SMURF1: variants seen among roughly 807,000 people sequenced by gnomAD.
The protein encoded by SMURF1 is E3 ubiquitin-protein ligase SMURF1.
Under a neutral mutation model 98.0 loss-of-function variants are expected in SMURF1, and 44 were observed. That is an observed-to-expected ratio of 0.45 (90% CI 0.35 to 0.58). The LOEUF is 0.58. SMURF1 is among the 20% of genes least tolerant of loss of function. The pLI is 0.00. For missense variants in SMURF1, 687 were observed against 938.4 expected, an observed-to-expected ratio of 0.73 and a Z score of 3.50; for synonymous variants, 396 against 374.9, an observed-to-expected ratio of 1.06 and a Z score of -0.65.
At chr7:99,081,605 A>T (rs995611989) in intron 1 of SMURF1, among the ~76,000 whole-genome samples, 2 of 152,146 alleles carry the variant, frequency 1.3e-5, no homozygotes, top group Non-Finnish European at 2.9e-5. Context: ...GCAATACATA[A>T]AAGTTCCAAT....
chr7:99,032,097 A>T (rs1335901278), intron 17 of SMURF1, among the ~76,000 whole-genome samples: 2 of 152,220 alleles, frequency 1.3e-5, no homozygotes, highest in African/African-American at 2.4e-5. Context: ...AATACATCCA[A>T]ACTAAAAACT....
intron 1 of SMURF1, among the ~76,000 whole-genome samples, chr7:99,071,149 TC>T (rs1796308633): frequency 6.6e-6 from 1 of 151,146 alleles, no homozygotes; most frequent in Admixed American, 6.6e-5. Context: ...AAACTCCACC[TC>T]CCAGGTTCAA....
intron 1 of SMURF1, among the ~76,000 whole-genome samples, chr7:99,085,180 G>A (rs977205325): frequency 4.6e-5 from 7 of 151,630 alleles, no homozygotes; most frequent in Middle Eastern, 3.4e-3. Flanking sequence ...GCTAAACCCC[G>A]TCTCTACTAA....
intron 16 of SMURF1, among the ~76,000 whole-genome samples, chr7:99,033,866 C>G (rs762895330): frequency 6.6e-6 from 1 of 152,238 alleles, no homozygotes; most frequent in Non-Finnish European, 1.5e-5. Context: ...ACTGCTGCTG[C>G]AAAGACGGCT....
At chr7:99,077,661 G>A (rs976026060) in intron 1 of SMURF1, among the ~76,000 whole-genome samples, 1 of 152,096 alleles carries the variant, frequency 6.6e-6, no homozygotes, top group Admixed American at 6.6e-5. Flanking sequence ...ACAGGCACTG[G>A]TGCTATGTCT....
chr7:99,062,030 G>T (rs1407366540), intron 1 of SMURF1, among the ~76,000 whole-genome samples, 193 bp from the exon 2 acceptor site: 1 of 151,430 alleles, frequency 6.6e-6, no homozygotes, highest in Non-Finnish European at 1.5e-5. Flanking sequence ...CTGAAGATCA[G>T]CTATAACAAA....
At chr7:99,044,433 A>G (rs1795506196) in intron 11 of SMURF1, among the ~76,000 whole-genome samples, 1 of 152,278 alleles carries the variant, frequency 6.6e-6, no homozygotes, top group African/African-American at 2.4e-5. Context: ...TGTAAACCGT[A>G]TAAACTTTCA....
rs759783769 is a variant in SMURF1, at chr7:99,035,509, A to G, written c.2011+6T>C. On this transcript the variant is annotated splice_donor_region_variant and intron_variant, in intron 16 of 17. Transcript: ENST00000361368. Reference sequence around the variant, plus strand: ...CATCGAATAGCCCTGCCTCCACGTCAGTCACCTTGCAAAGCCTTGAAGCCT... The same window carrying G: ...CATCGAATAGCCCTGCCTCCACGTCGGTCACCTTGCAAAGCCTTGAAGCCT... The G allele has an allele frequency of 1.2e-6, 2 of 1,614,132 alleles. No homozygotes were observed. The highest frequency in any genetic ancestry group is 1.7e-5 in the Admixed American group (1 of 60,030).
rs1795696236 is a variant in SMURF1, at chr7:99,049,726, T to C, written c.807-17A>G. 1.9e-6 allele frequency: 3 copies of C among 1,609,764 alleles called. No homozygotes were observed. The highest frequency in any genetic ancestry group is 1.3e-5 in the African/African-American group (1 of 74,858). On this transcript the variant is annotated splice_polypyrimidine_tract_variant and intron_variant, in intron 8 of 17. Transcript: ENST00000361368. ...TTAAGGTCTCTACCAAAATGGAAGA[T>C]ACAGAGAGGTTTGTCCAACTGAGTA...
intron 11 of SMURF1, 85 bp from the exon 12 acceptor site, chr7:99,042,317 T>A: frequency 1.1e-6 from 1 of 879,938 alleles, no homozygotes; most frequent in Non-Finnish European, 1.8e-6. Flanking sequence ...TCTCACTCTG[T>A]CGCCCAGGCT....
chr7:99,037,211 GATGC>G (rs1452479124), intron 14 of SMURF1, 24 bp from the exon 15 acceptor site: 1 of 1,613,428 alleles, frequency 6.2e-7, no homozygotes, highest in African/African-American at 1.3e-5. Context: ...TCGCAAGTTG[GATGC>G]AACACCAAGT....
At chr7:99,086,427 T>C (rs934349548) in intron 1 of SMURF1, among the ~76,000 whole-genome samples, 35 of 150,206 alleles carry the variant, frequency 2.3e-4, no homozygotes, top group African/African-American at 8.6e-4. Context: ...GGGGCAAGGA[T>C]ATGGAGAAAC....
chr7:99,073,139 A>C (rs1796365962), intron 1 of SMURF1, among the ~76,000 whole-genome samples: 1 of 152,170 alleles, frequency 6.6e-6, no homozygotes. Flanking sequence ...GCAGTCTGGG[A>C]GGCCGAGGCG....
chr7:99,053,309 C>T (rs1033346329), intron 6 of SMURF1, among the ~76,000 whole-genome samples: 4 of 151,932 alleles, frequency 2.6e-5, no homozygotes, highest in African/African-American at 7.3e-5. Flanking sequence ...AATGAACCCC[C>T]TGTGTCCACC....
chr7:99,060,445 T>C (rs931492413), intron 3 of SMURF1, among the ~76,000 whole-genome samples, 154 bp downstream of exon 3: 1 of 149,716 alleles, frequency 6.7e-6, no homozygotes, highest in African/African-American at 2.4e-5. Context: ...ACATGAATTC[T>C]AAAATTAGGC....
chr7:99,050,142 G>GGTTGCAGTGAGCCGAGATCACGCC (rs1795710438), intron 8 of SMURF1: 2 of 153,906 alleles, frequency 1.3e-5, no homozygotes, highest in Non-Finnish European at 2.9e-5. Context: ...GGGAGGCGGA[G>GGTTGCAGTGAGCCGAGATCACGCC]GTTGCAGTGA....
intron 1 of SMURF1, among the ~76,000 whole-genome samples, chr7:99,143,242 G>A (rs1158431831): frequency 7.1e-6 from 1 of 139,864 alleles, no homozygotes; most frequent in African/African-American, 2.7e-5. Context: ...CAGGGATGGA[G>A]GTGAAAGGCA....
At position 99,079,393 on chromosome 7, in the gene SMURF1, C is replaced by T. The variant is rs574401401; in HGVS notation, c.56-17556G>A. Among the ~76,000 whole-genome samples the T allele has an allele frequency of 2.2e-4, 34 of 152,316 alleles. No individual in the cohort carries two copies. The Middle Eastern group carries it at 0.01, about 46-fold the overall frequency. On this transcript the variant is annotated intron_variant, in intron 1 of 17. Transcript: ENST00000361368. ...TCCCTCCTGCAGCTCCTCCCCAGCT[C>T]CTCCCCACAGCTCGAAGGAGAAGCA...
chr7:99,057,571 C>T lies in SMURF1; in HGVS notation c.204-20G>A. 2 of 1,512,800 alleles carry T rather than the reference C, an allele frequency of 1.3e-6. No homozygotes were observed. The highest frequency in any genetic ancestry group is 2.5e-5 in the East Asian group (1 of 40,704). 93.7% of individuals were successfully genotyped at this position (1,512,800 alleles called of 1,614,324 possible). A position where few individuals can be genotyped will look rare whatever the true frequency, so the allele number is the denominator to read the frequency against. ...ACATATCTGGAAAGAAAGTGCAAAA[C>T]TCATTTTTAATTGTGTTTGGTTTTT... On this transcript the variant is annotated intron_variant, in intron 3 of 17. Transcript: ENST00000361368.
Sources: allele counts gnomAD v4.1 joint callset (sites outside exome capture counted in the v4.1 genomes callset), GRCh38; gene constraint gnomAD v4.1.1; transcripts MANE v1.5; gene names NCBI Gene and HGNC (gene_info 2026-07-23, HGNC 2026-07-21).